Variants in ASIC2 observed in about 807,000 individuals in gnomAD.
The protein encoded by ASIC2 is acid sensing ion channel subunit 2.
ASIC2 carries 25 observed loss-of-function variants against 57.3 expected under a neutral mutation model. The observed-to-expected ratio is 0.44, with a 90% confidence interval of 0.32 to 0.61. ASIC2 has a LOEUF of 0.61. Among genes scored for constraint, ASIC2 ranks in the 20% least tolerant of loss-of-function variants. The pLI is 0.06. For missense variants in ASIC2, 641 were observed against 738.1 expected (o/e 0.87, Z 1.52); for synonymous variants, 319 against 307.5 (o/e 1.04, Z -0.39).
At chr17:33,785,677 T>C (rs1024057988) in intron 1 of ASIC2, among the ~76,000 whole-genome samples, 3 of 152,252 alleles carry the variant, frequency 2.0e-5, no homozygotes, top group African/African-American at 7.2e-5. Context: ...AAGTGGTACT[T>C]GAGTCATCAA....
chr17:34,021,837 G>GTTTTTT (rs11394863), intron 1 of ASIC2, among the ~76,000 whole-genome samples: 248 of 118,260 alleles, frequency 2.1e-3, no homozygotes, highest in Middle Eastern at 4.8e-3. Flanking sequence ...GTTTTGTTTT[G>GTTTTTT]TTTTTTTTTT....
intron 1 of ASIC2, among the ~76,000 whole-genome samples, chr17:33,643,133 C>T (rs1044911947): frequency 1.7e-5 from 2 of 114,932 alleles, no homozygotes; most frequent in African/African-American, 7.3e-5. Flanking sequence ...TTTTATCATT[C>T]TCACATGCTC....
chr17:33,133,865 C>G (rs2092357629), intron 1 of ASIC2, among the ~76,000 whole-genome samples: 2 of 152,174 alleles, frequency 1.3e-5, no homozygotes, highest in African/African-American at 4.8e-5. Context: ...AATGCAAGGA[C>G]TTTGTGAAGG....
At chr17:33,966,856 A>G (rs1905089528) in intron 1 of ASIC2, among the ~76,000 whole-genome samples, 1 of 152,184 alleles carries the variant, frequency 6.6e-6, no homozygotes, top group Admixed American at 6.5e-5. Flanking sequence ...TTGCACTGAT[A>G]ATTTTATCTA....
At chr17:33,272,225 C>A (rs1904522918) in intron 1 of ASIC2, among the ~76,000 whole-genome samples, 1 of 152,198 alleles carries the variant, frequency 6.6e-6, no homozygotes. Flanking sequence ...TTGTTGTCTT[C>A]AGAGCACTCA....
intron 1 of ASIC2, among the ~76,000 whole-genome samples, chr17:33,847,660 G>C (rs1913648410): frequency 6.6e-6 from 1 of 152,168 alleles, no homozygotes; most frequent in African/African-American, 2.4e-5. Context: ...CATTCCTTGA[G>C]AGTCTTCTGC....
chr17:33,835,885 T>C (rs1597896229), intron 1 of ASIC2, among the ~76,000 whole-genome samples: 2 of 151,780 alleles, frequency 1.3e-5, no homozygotes, highest in South Asian at 4.2e-4. Context: ...TGAGCTCAAG[T>C]GATCCACCTG....
chr17:33,129,325 C>T (rs927176293), intron 1 of ASIC2, among the ~76,000 whole-genome samples: 1 of 152,104 alleles, frequency 6.6e-6, no homozygotes, highest in African/African-American at 2.4e-5. Flanking sequence ...AATTCTCTGT[C>T]TTCTGAAAAC....
Position 34,000,321 on chromosome 17 carries a change from G to A in ASIC2, c.555+155657C>T, listed in dbSNP as rs566798971. ...GGCTGGAGTGCAATGGTGCGATCTC[G>A]GCTCACCGCAACCTCCACCTCCTGG... On this transcript the variant is annotated intron_variant, in intron 1 of 9. Transcript: ENST00000359872. 1.2e-3 allele frequency among the ~76,000 whole-genome samples: 182 copies of A among 146,466 alleles called. 1 individual carries two copies. The highest frequency in any genetic ancestry group is 4.4e-3 in the African/African-American group (172 of 38,858).
rs1199683933 is a variant in ASIC2, at chr17:33,222,036, G to A, written c.708+69372C>T. 2.6e-5 allele frequency among the ~76,000 whole-genome samples: 4 copies of A among 152,160 alleles called. No individual in the cohort carries two copies. In the East Asian group the frequency reaches 5.8e-4, roughly 22 times the overall value. On this transcript the variant is annotated intron_variant, in intron 1 of 9. Coordinates refer to ENST00000225823, the MANE Select transcript of ASIC2 (RefSeq NM_183377.2). ...AAACTTAACTATTCCCTAGGATTAG[G>A]TGGGTTCTCTGTAGTGCAACAAAGA...
intron 1 of ASIC2, among the ~76,000 whole-genome samples, chr17:33,880,954 A>G (rs1399596235): frequency 6.6e-6 from 1 of 152,244 alleles, no homozygotes; most frequent in Admixed American, 6.5e-5. Context: ...GGCTGGTTCA[A>G]CATATGCAAA....
intron 1 of ASIC2, among the ~76,000 whole-genome samples, chr17:33,517,934 C>T (rs1479676552): frequency 6.6e-6 from 1 of 152,206 alleles, no homozygotes; most frequent in African/African-American, 2.4e-5. Flanking sequence ...GGGAACTACA[C>T]AAGGAGGAAG....
At chr17:33,497,434 T>A (rs1913971514) in intron 1 of ASIC2, among the ~76,000 whole-genome samples, 1 of 152,224 alleles carries the variant, frequency 6.6e-6, no homozygotes, top group Non-Finnish European at 1.5e-5. Flanking sequence ...TTTTTCATTT[T>A]TACAAGAATA....
At chr17:33,744,046 A>G (rs1307387773) in intron 1 of ASIC2, among the ~76,000 whole-genome samples, 1 of 152,158 alleles carries the variant, frequency 6.6e-6, no homozygotes, top group African/African-American at 2.4e-5. Flanking sequence ...CTCTAAGGAG[A>G]GAGACTGCCA....
intron 1 of ASIC2, among the ~76,000 whole-genome samples, chr17:33,348,227 C>T (rs1908030138): frequency 6.6e-6 from 1 of 151,982 alleles, no homozygotes; most frequent in Non-Finnish European, 1.5e-5. Flanking sequence ...ATATTAGGAC[C>T]CAATGAGACT....
At chr17:33,523,521 G>A (rs968909627) in intron 1 of ASIC2, among the ~76,000 whole-genome samples, 1 of 152,156 alleles carries the variant, frequency 6.6e-6, no homozygotes, top group African/African-American at 2.4e-5. Flanking sequence ...GACTCCCAAA[G>A]TACTGGGATT....
intron 1 of ASIC2, among the ~76,000 whole-genome samples, chr17:33,805,744 C>T (rs1453330310): frequency 6.6e-6 from 1 of 152,138 alleles, no homozygotes; most frequent in Non-Finnish European, 1.5e-5. Context: ...TATAAAAATC[C>T]TCATAAGGTC....
chr17:33,217,826 C>A (rs1366629948), intron 1 of ASIC2, among the ~76,000 whole-genome samples: 21 of 152,216 alleles, frequency 1.4e-4, no homozygotes, highest in Non-Finnish European at 1.5e-5. Context: ...GTACTCCATG[C>A]CTGTTTCTCC....
At position 33,025,999 on chromosome 17, in the gene ASIC2, C is replaced by G. The variant is rs759574448; in HGVS notation, c.1139-17G>C. ...GGGCATCCCCTGCAAAGAAGAAACA[C>G]CAGACAGAGTTACTCAGGCAGGAAC... On this transcript the variant is annotated splice_polypyrimidine_tract_variant and intron_variant, in intron 4 of 9. Transcript: ENST00000225823. 6.8e-6 allele frequency: 11 copies of G among 1,613,110 alleles called. No homozygotes were observed. The African/African-American group carries it at 1.5e-4, about 21-fold the overall frequency.
Sources: allele counts gnomAD v4.1 joint callset (sites outside exome capture counted in the v4.1 genomes callset), GRCh38; gene constraint gnomAD v4.1.1; transcripts MANE v1.5; gene names NCBI Gene and HGNC (gene_info 2026-07-23, HGNC 2026-07-21).